The following PKD1L3 variants were observed in gnomAD, a reference collection of about 807,000 sequenced individuals.
The protein encoded by PKD1L3 is polycystin-1-like protein 3.
A neutral mutation model predicts 184.1 loss-of-function variants in PKD1L3; 239 were observed. The ratio of observed to expected loss-of-function variants is 1.30; its 90% CI spans 1.17 to 1.45. The LOEUF (loss-of-function observed/expected upper bound fraction) is 1.45. Ranked by LOEUF, PKD1L3 falls within the 40% of genes most tolerant of loss-of-function variation. The probability of loss-of-function intolerance (pLI) is 0.00; values close to 1 mark genes in which losing one functional copy is unlikely to be tolerated. For synonymous variants in PKD1L3, 996 were observed against 778.8 expected (o/e 1.28, Z -4.64); for missense variants, 2,660 against 2,067.2 (o/e 1.29, Z -5.56).
chr16:71,996,146 G>A (rs1276214320), intron 2 of PKD1L3, among the ~76,000 whole-genome samples: 1 of 151,714 alleles, frequency 6.6e-6, no homozygotes, highest in Admixed American at 6.6e-5. Context: ...AGTTTCCAAG[G>A]GTAACATCTT....
intron 16 of PKD1L3, among the ~76,000 whole-genome samples, chr16:71,957,727 G>T (rs1042715943): frequency 1.3e-5 from 2 of 152,142 alleles, no homozygotes; most frequent in Non-Finnish European, 2.9e-5. Flanking sequence ...AACCCAGGAG[G>T]TTGCAGTGAG....
chr16:71,965,467 G>A (rs888488149), intron 15 of PKD1L3, among the ~76,000 whole-genome samples: 4 of 151,958 alleles, frequency 2.6e-5, no homozygotes, highest in Non-Finnish European at 4.4e-5. Context: ...GCTGTTCTCT[G>A]AAGTGGCCAT....
chr16:71,988,942 G>T (rs1232829709), intron 4 of PKD1L3, among the ~76,000 whole-genome samples: 1 of 152,148 alleles, frequency 6.6e-6, no homozygotes, highest in African/African-American at 2.4e-5. Flanking sequence ...TTCTCCTGGA[G>T]GACAACAATG....
chr16:71,963,429 A>T, intron 15 of PKD1L3, 78 bp from the exon 16 acceptor site: 1 of 1,358,168 alleles, frequency 7.4e-7, no homozygotes. Flanking sequence ...ATCTCAGACC[A>T]TTAGTAAACT....
rs780750340 is a variant in PKD1L3, at chr16:71,954,062, G to A, written c.2809+43C>T. ...AAGACCCTGTCTCAAAAAAAAAAAA[G>A]GATTGCTTACTACAAACAACACACA... On this transcript the variant is annotated intron_variant, in intron 17 of 29. Coordinates refer to ENST00000620267, the MANE Select transcript of PKD1L3 (RefSeq NM_181536.2). The A allele has an allele frequency of 3.4e-5, 43 of 1,271,756 alleles. 1 individual carries two copies. The Admixed American group carries it at 8.4e-4, about 25-fold the overall frequency. The allele number at this position is 1,271,756 out of a possible 1,614,324, so 78.8% of individuals were successfully genotyped here. A position where few individuals can be genotyped will look rare whatever the true frequency, so the allele number is the denominator to read the frequency against.
At chr16:71,932,483 C>CTTT (rs35193011) in intron 28 of PKD1L3, among the ~76,000 whole-genome samples, 6 of 150,200 alleles carry the variant, frequency 4.0e-5, no homozygotes, top group African/African-American at 1.5e-4. Context: ...CATTATGTCA[C>CTTT]TTTTTTTTTT....
chr16:71,993,361 T>A, intron 2 of PKD1L3, 29 bp from the exon 3 acceptor site: 1 of 1,371,120 alleles, frequency 7.3e-7, no homozygotes. Context: ...ACAAGTTAAT[T>A]TATAGGTTAT....
chr16:71,986,522 A>G lies in PKD1L3; in HGVS notation c.586-53T>C, dbSNP rs1210201920. The G allele has an allele frequency of 2.0e-6, 3 of 1,502,010 alleles. No individual in the cohort carries two copies. The African/African-American group carries it at 4.2e-5, about 21-fold the overall frequency. 93.0% of individuals were successfully genotyped at this position (1,502,010 alleles called of 1,614,324 possible). A position where few individuals can be genotyped will look rare whatever the true frequency, so the allele number is the denominator to read the frequency against. On this transcript the variant is annotated intron_variant, in intron 4 of 29. Transcript: ENST00000620267. ...AGACTGAATCTGATTTTACCATTTT[A>G]TAATTAAGGCAGCATTTCCCCAAAT...
rs1006890188 is a variant in PKD1L3 at position 71,973,840 on chromosome 16, A to G, written c.1760-323T>C. ...AACATGGTGAAACCCCATCTCTACTAAAAATACAAAAATTAGTGGGGTGTG... is the reference window on the plus strand; with the variant it reads ...AACATGGTGAAACCCCATCTCTACTGAAAATACAAAAATTAGTGGGGTGTG... On this transcript the variant is annotated intron_variant, in intron 11 of 29. Coordinates refer to ENST00000620267, the MANE Select transcript of PKD1L3 (RefSeq NM_181536.2). Among the ~76,000 whole-genome samples the G allele has an allele frequency of 2.0e-5, 3 of 152,004 alleles. No individual in the cohort carries two copies. In the East Asian group the frequency reaches 5.8e-4, roughly 29 times the overall value.
intron 1 of PKD1L3, among the ~76,000 whole-genome samples, chr16:71,998,923 A>G (rs964910370): frequency 6.6e-6 from 1 of 152,198 alleles, no homozygotes; most frequent in Non-Finnish European, 1.5e-5. Flanking sequence ...GAATGATATA[A>G]TAATGGCTTG....
At chr16:71,930,390 T>C (rs1343231058) in intron 28 of PKD1L3, 2 of 411,200 alleles carry the variant, frequency 4.9e-6, no homozygotes, top group African/African-American at 4.1e-5. Context: ...GTTAAGATAA[T>C]TGTGACTGCA....
chr16:71,935,819 G>C (rs545621446), intron 25 of PKD1L3, among the ~76,000 whole-genome samples: 3 of 152,060 alleles, frequency 2.0e-5, no homozygotes, highest in Non-Finnish European at 4.4e-5. Flanking sequence ...AGACAGGGTC[G>C]CGCTCTGTTG....
At chr16:71,932,290 C>T (rs1167866846) in intron 28 of PKD1L3, among the ~76,000 whole-genome samples, 1 of 152,128 alleles carries the variant, frequency 6.6e-6, no homozygotes, top group African/African-American at 2.4e-5. Flanking sequence ...CCTTTACATA[C>T]CAGGGTTTGG....
chr16:71,959,914 T>C (rs2039204104), intron 16 of PKD1L3, among the ~76,000 whole-genome samples: 1 of 151,890 alleles, frequency 6.6e-6, no homozygotes, highest in Non-Finnish European at 1.5e-5. Flanking sequence ...ACCCAGGAGT[T>C]CAAGAACTAG....
At position 71,933,884 on chromosome 16, in the gene PKD1L3, GAGA is replaced by G. The variant is rs746525990; in HGVS notation, c.4824+28_4824+30del. 57 of 1,544,450 alleles carry G rather than the reference GAGA, an allele frequency of 3.7e-5. No individual in the cohort carries two copies. In the Middle Eastern group the frequency reaches 6.7e-4, roughly 18 times the overall value. On this transcript the variant is annotated intron_variant, in intron 27 of 29. Coordinates refer to ENST00000620267, the MANE Select transcript of PKD1L3 (RefSeq NM_181536.2). ...TGCGATTCCAAGACCACAGCACACG[GAGA>G]AGGAGAGACAGCAACGTGGGGGCTT...
intron 24 of PKD1L3, 113 bp downstream of exon 24, chr16:71,942,447 C>T (rs1438954975): frequency 2.2e-6 from 2 of 894,140 alleles, no homozygotes; most frequent in African/African-American, 3.4e-5. Context: ...AAATTTACCT[C>T]TCTTGTACTC....
At chr16:71,995,463 A>C (rs1820164384) in intron 2 of PKD1L3, among the ~76,000 whole-genome samples, 1 of 152,166 alleles carries the variant, frequency 6.6e-6, no homozygotes, top group Admixed American at 6.6e-5. Context: ...CCTCATAGGT[A>C]ACCATTTTCA....
intron 2 of PKD1L3, among the ~76,000 whole-genome samples, 162 bp from the exon 3 acceptor site, chr16:71,993,494 G>T (rs1044924574): frequency 1.3e-5 from 2 of 152,170 alleles, no homozygotes; most frequent in African/African-American, 4.8e-5. Context: ...TAGCCCTTTT[G>T]CTCTGCTCAC....
intron 4 of PKD1L3, among the ~76,000 whole-genome samples, chr16:71,987,756 G>A (rs773971601): frequency 6.6e-5 from 10 of 152,050 alleles, no homozygotes; most frequent in Non-Finnish European, 1.2e-4. Context: ...CTCCTGCCTC[G>A]GAGTCCCAGA....
Sources: allele counts gnomAD v4.1 joint callset (sites outside exome capture counted in the v4.1 genomes callset), GRCh38; gene constraint gnomAD v4.1.1; transcripts MANE v1.5; gene names NCBI Gene and HGNC (gene_info 2026-07-23, HGNC 2026-07-21).